The following CADM2 variants were observed in gnomAD, a reference collection of about 807,000 sequenced individuals.
The protein encoded by CADM2 is immunoglobulin superfamily member 4D.
A neutral mutation model predicts 49.8 loss-of-function variants in CADM2; 12 were observed. That is an observed-to-expected ratio of 0.24 (90% CI 0.15 to 0.39). CADM2 has a LOEUF of 0.39. CADM2 is among the 10% of genes least tolerant of loss of function. The pLI, the probability that CADM2 is intolerant of heterozygous loss-of-function variation, is 1.00. For missense variants in CADM2, 378 were observed against 492.3 expected (o/e 0.77, Z 2.20); for synonymous variants, 214 against 175.4 (o/e 1.22, Z -1.74).
At chr3:85,833,859 T>C (rs529435487) in intron 3 of CADM2, among the ~76,000 whole-genome samples, 1 of 151,828 alleles carries the variant, frequency 6.6e-6, no homozygotes, top group Non-Finnish European at 1.5e-5. Flanking sequence ...TCTTTTGTTG[T>C]TTCATATGAT....
chr3:85,726,445 TCTG>T, intron 1 of CADM2, 74 bp from the exon 2 acceptor site: 1 of 1,485,938 alleles, frequency 6.7e-7, no homozygotes, highest in Non-Finnish European at 9.4e-7. Context: ...CAATAACATC[TCTG>T]CTTTCTTACT....
chr3:85,769,719 T>A (rs1235427533), intron 2 of CADM2, among the ~76,000 whole-genome samples: 1 of 148,154 alleles, frequency 6.7e-6, no homozygotes, highest in Admixed American at 6.9e-5. Flanking sequence ...GCATACCAAT[T>A]TGATACTTCA....
chr3:85,783,734 C>T (rs760340263), intron 2 of CADM2, among the ~76,000 whole-genome samples: 3 of 152,152 alleles, frequency 2.0e-5, no homozygotes, highest in Non-Finnish European at 4.4e-5. Context: ...CTGTAACAAA[C>T]AGCAGAGTTT....
intron 1 of CADM2, among the ~76,000 whole-genome samples, chr3:85,130,169 A>G (rs1249561119): frequency 2.0e-5 from 3 of 152,204 alleles, no homozygotes; most frequent in Admixed American, 1.3e-4. Context: ...CTGGGTTTAC[A>G]GTAATTTTAT....
intron 2 of CADM2, among the ~76,000 whole-genome samples, chr3:85,746,015 G>T (rs2068605117): frequency 6.6e-6 from 1 of 152,100 alleles, no homozygotes; most frequent in African/African-American, 2.4e-5. Flanking sequence ...GGAAATAAAA[G>T]AAGATACATA....
At chr3:85,475,694 T>C (rs909413910) in intron 1 of CADM2, among the ~76,000 whole-genome samples, 10 of 151,932 alleles carry the variant, frequency 6.6e-5, no homozygotes, top group African/African-American at 2.4e-4. Flanking sequence ...TATAAATATT[T>C]TGAAACAATA....
intron 1 of CADM2, among the ~76,000 whole-genome samples, chr3:85,090,781 A>G (rs2037566225): frequency 6.6e-6 from 1 of 152,176 alleles, no homozygotes. Flanking sequence ...CCTACTGTCA[A>G]CTGCACATGC....
intron 5 of CADM2, among the ~76,000 whole-genome samples, chr3:85,894,190 C>A (rs1355152221): frequency 6.6e-6 from 1 of 152,128 alleles, no homozygotes; most frequent in Non-Finnish European, 1.5e-5. Context: ...AGTTCATGTC[C>A]TTTGTAGGGA....
At position 85,635,610 on chromosome 3, in the gene CADM2, T is replaced by TA. The variant is rs1190715037; in HGVS notation, c.62-90912_62-90911insA. On this transcript the variant is annotated intron_variant, in intron 1 of 9. Coordinates refer to ENST00000383699, the MANE Select transcript of CADM2 (RefSeq NM_001167675.2). The stretch of plus-strand genomic sequence containing the variant: ...TCCTTTTTACTATTCTAGAGCTGCC[T>TA]TTATCTTGTAACATTAGTGTAATAA... Among the ~76,000 whole-genome samples the TA allele has an allele frequency of 2.6e-5, 4 of 152,156 alleles. No homozygotes were observed. In the East Asian group the frequency reaches 5.8e-4, roughly 22 times the overall value.
chr3:85,476,637 C>A (rs76350311), intron 1 of CADM2, among the ~76,000 whole-genome samples: 1 of 151,704 alleles, frequency 6.6e-6, no homozygotes, highest in Non-Finnish European at 1.5e-5. Flanking sequence ...TTCTGCAAAC[C>A]GCTCAACCTG....
chr3:85,789,963 T>A (rs1416287781), intron 2 of CADM2, among the ~76,000 whole-genome samples: 1 of 152,166 alleles, frequency 6.6e-6, no homozygotes, highest in East Asian at 1.9e-4. Context: ...TAAGACATGC[T>A]AAAGCAATGC....
chr3:85,964,516 C>T (rs1559770516), intron 8 of CADM2, among the ~76,000 whole-genome samples: 3 of 151,884 alleles, frequency 2.0e-5, no homozygotes, highest in Non-Finnish European at 2.9e-5. Flanking sequence ...AATGCTACCA[C>T]ATTTAATTGT....
intron 1 of CADM2, among the ~76,000 whole-genome samples, chr3:85,128,916 A>T (rs2039128534): frequency 6.6e-6 from 1 of 152,144 alleles, no homozygotes; most frequent in South Asian, 2.1e-4. Flanking sequence ...ACAATTGTGT[A>T]TTTGTCACAA....
chr3:86,063,814 C>G (rs141722068), intron 8 of CADM2, among the ~76,000 whole-genome samples: 381 of 152,236 alleles, frequency 2.5e-3, no homozygotes, highest in African/African-American at 7.9e-3. Context: ...CTTTCACTGT[C>G]CGTTAAATAG....
intron 1 of CADM2, among the ~76,000 whole-genome samples, chr3:85,282,705 A>G (rs534085313): frequency 2.0e-4 from 31 of 152,244 alleles, no homozygotes; most frequent in Non-Finnish European, 2.9e-4. Flanking sequence ...ATATTCCTCA[A>G]AATGAGAATA....
chr3:85,268,502 G>C (rs2106833423), intron 1 of CADM2, among the ~76,000 whole-genome samples: 1 of 151,338 alleles, frequency 6.6e-6, no homozygotes, highest in East Asian at 1.9e-4. Flanking sequence ...ATTAGTATTT[G>C]ACAGTTCAAT....
chr3:85,536,723 C>T (rs2061429990), intron 1 of CADM2, among the ~76,000 whole-genome samples: 1 of 151,686 alleles, frequency 6.6e-6, no homozygotes, highest in Non-Finnish European at 1.5e-5. Flanking sequence ...TTGTTGTTTG[C>T]AATCAAAAAT....
chr3:85,470,545 G>C (rs12491967), intron 1 of CADM2, among the ~76,000 whole-genome samples: 8,912 of 152,120 alleles, frequency 0.059, 595 homozygotes, highest in African/African-American at 0.16. Flanking sequence ...TATATGAATG[G>C]GTATCCTCCC....
At chr3:85,810,929 G>T (rs1160755243) in intron 3 of CADM2, among the ~76,000 whole-genome samples, 1 of 152,160 alleles carries the variant, frequency 6.6e-6, no homozygotes, top group Admixed American at 6.6e-5. Flanking sequence ...ATCTTCGGTT[G>T]TGGATTGTAT....
Sources: gnomAD v4.1 joint callset for allele counts (sites outside exome capture counted in the v4.1 genomes callset) on GRCh38, gnomAD v4.1.1 for gene constraint, MANE v1.5 for transcripts, NCBI Gene and HGNC (gene_info 2026-07-23, HGNC 2026-07-21) for gene names.